MNAT1: variants seen among roughly 807,000 people sequenced by gnomAD.
The protein encoded by MNAT1 is CDK-activating kinase assembly factor MAT1.
In MNAT1, 43 loss-of-function variants were observed where a neutral mutation model predicts 42.0. The ratio of observed to expected loss-of-function variants is 1.02; its 90% CI spans 0.80 to 1.32. MNAT1 has a LOEUF of 1.32. MNAT1 is among the 40% of genes most tolerant of loss of function. MNAT1 has a pLI of 0.00. For missense variants in MNAT1, 306 were observed against 350.4 expected (o/e 0.87, Z 1.01); for synonymous variants, 118 against 120.0 (o/e 0.98, Z 0.11).
At chr14:60,776,193 G>A (rs2031242543) in intron 1 of MNAT1, among the ~76,000 whole-genome samples, 1 of 152,152 alleles carries the variant, frequency 6.6e-6, no homozygotes, top group Admixed American at 6.5e-5. Context: ...ACCTTGAGAG[G>A]GGTGATAAAT....
At chr14:60,778,959 A>G (rs1412280671) in intron 1 of MNAT1, among the ~76,000 whole-genome samples, 1 of 152,202 alleles carries the variant, frequency 6.6e-6, no homozygotes, top group Non-Finnish European at 1.5e-5. Flanking sequence ...CTTTCCATTC[A>G]TATAGCTTTA....
chr14:60,831,648 G>A (rs1402836236), intron 6 of MNAT1, among the ~76,000 whole-genome samples: 1 of 152,124 alleles, frequency 6.6e-6, no homozygotes, highest in Non-Finnish European at 1.5e-5. Flanking sequence ...ATGTGTGCAT[G>A]TGTCTTTATA....
chr14:60,883,935 C>T (rs1294418107), intron 7 of MNAT1, among the ~76,000 whole-genome samples: 1 of 152,032 alleles, frequency 6.6e-6, no homozygotes, highest in Non-Finnish European at 1.5e-5. Flanking sequence ...CAACTTTACT[C>T]AATTTGTTTA....
At chr14:60,808,125 T>C (rs1291962663) in intron 3 of MNAT1, among the ~76,000 whole-genome samples, 200 bp from the exon 4 acceptor site, 3 of 152,126 alleles carry the variant, frequency 2.0e-5, no homozygotes. Context: ...TCAGACAGTC[T>C]GTCCTTGTGT....
intron 7 of MNAT1, among the ~76,000 whole-genome samples, chr14:60,948,797 T>G (rs1458038635): frequency 6.6e-6 from 1 of 152,202 alleles, no homozygotes; most frequent in Admixed American, 6.5e-5. Context: ...AGTTGAATTC[T>G]TTTCAAGAAA....
At chr14:60,939,316 G>A (rs1366105705) in intron 7 of MNAT1, among the ~76,000 whole-genome samples, 1 of 152,088 alleles carries the variant, frequency 6.6e-6, no homozygotes, top group East Asian at 1.9e-4. Flanking sequence ...TCTTTTAATT[G>A]TGATGTTAAG....
At chr14:60,856,747 C>T (rs541360451) in intron 6 of MNAT1, among the ~76,000 whole-genome samples, 13 of 150,052 alleles carry the variant, frequency 8.7e-5, no homozygotes, top group Non-Finnish European at 1.6e-4. Context: ...GTGGCACGAT[C>T]TCAGCTCGTG....
At chr14:60,914,016 G>T (rs982555518) in intron 7 of MNAT1, among the ~76,000 whole-genome samples, 1 of 152,194 alleles carries the variant, frequency 6.6e-6, no homozygotes. Context: ...ACTCAAGCCT[G>T]AGCAATGGCA....
chr14:60,833,941 A>G (rs1199588015), intron 6 of MNAT1, among the ~76,000 whole-genome samples: 1 of 152,102 alleles, frequency 6.6e-6, no homozygotes, highest in Non-Finnish European at 1.5e-5. Context: ...CATTTCTTGT[A>G]GACTTTCTAG....
intron 6 of MNAT1, among the ~76,000 whole-genome samples, chr14:60,861,564 T>A (rs543716326): frequency 9.7e-3 from 150 of 15,542 alleles, no homozygotes; most frequent in Non-Finnish European, 0.034. Flanking sequence ...ATTATTTTTT[T>A]AAAAAAATTT....
At position 60,968,482 on chromosome 14, in the gene MNAT1, G is replaced by A. The variant is rs2036724232; in HGVS notation, c.*133G>A. The A allele has an allele frequency of 6.6e-7, 1 of 1,507,836 alleles. No homozygotes were observed. Among genetic ancestry groups the A allele is most frequent in the Non-Finnish European group, 8.8e-7 (1 of 1,132,120 alleles). 93.4% of individuals were successfully genotyped at this position (1,507,836 alleles called of 1,614,324 possible). A position where few individuals can be genotyped will look rare whatever the true frequency, so the allele number is the denominator to read the frequency against. ...GCAGCTGTGTTAAAGTATTTATAAG[G>A]AGAAAATTTCAGAACTAAGTTGAGT... On this transcript the variant is annotated 3_prime_UTR_variant, in exon 8 of 8. Transcript: ENST00000261245.
At chr14:60,737,879 C>CG (rs1159777815) in intron 1 of MNAT1, among the ~76,000 whole-genome samples, 1 of 148,348 alleles carries the variant, frequency 6.7e-6, no homozygotes, top group Non-Finnish European at 1.5e-5. Context: ...GAAGGAGTCT[C>CG]GCTCTGTCGC....
At chr14:60,770,911 T>C (rs1206922011) in intron 1 of MNAT1, among the ~76,000 whole-genome samples, 1 of 152,214 alleles carries the variant, frequency 6.6e-6, no homozygotes, top group Admixed American at 6.5e-5. Flanking sequence ...ATTGTAGGAC[T>C]GTACTGCATT....
intron 7 of MNAT1, among the ~76,000 whole-genome samples, chr14:60,882,345 T>G (rs900391472): frequency 6.6e-6 from 1 of 152,188 alleles, no homozygotes; most frequent in African/African-American, 2.4e-5. Context: ...TGTCTTTCTG[T>G]GCCTGGCTTA....
At chr14:60,909,276 C>G (rs1183739150) in intron 7 of MNAT1, among the ~76,000 whole-genome samples, 60 of 152,082 alleles carry the variant, frequency 3.9e-4, no homozygotes, top group Non-Finnish European at 2.9e-5. Context: ...TGTAGGTTGC[C>G]TGTTCACTCT....
intron 5 of MNAT1, among the ~76,000 whole-genome samples, chr14:60,818,510 A>G (rs1046061513): frequency 6.6e-6 from 1 of 152,018 alleles, no homozygotes; most frequent in Admixed American, 6.6e-5. Context: ...GATTTTATAA[A>G]AATACTTGTT....
At position 60,962,332 on chromosome 14, in the gene MNAT1, A is replaced by G. The variant is rs919412872; in HGVS notation, c.810-5897A>G. Among the ~76,000 whole-genome samples the G allele has an allele frequency of 7.9e-5, 12 of 152,266 alleles. No homozygotes were observed. The South Asian group carries it at 1.0e-3, about 13-fold the overall frequency. On this transcript the variant is annotated intron_variant, in intron 7 of 7. Transcript: ENST00000261245. ...TTTGGCCTATTAGCTACTGTTTATT[A>G]TCTGTTTTTCATGGCTCTATCTATC...
chr14:60,828,953 G>T (rs2033141261), intron 6 of MNAT1, among the ~76,000 whole-genome samples: 1 of 152,132 alleles, frequency 6.6e-6, no homozygotes. Flanking sequence ...CTCGGGGTGG[G>T]CTACCATCCT....
intron 7 of MNAT1, among the ~76,000 whole-genome samples, chr14:60,956,319 C>T (rs1396189056): frequency 6.6e-6 from 1 of 151,960 alleles, no homozygotes; most frequent in Non-Finnish European, 1.5e-5. Context: ...TCTAGTTTTT[C>T]TTCTGTTACT....
Sources: gnomAD v4.1 joint callset for allele counts (sites outside exome capture counted in the v4.1 genomes callset) on GRCh38, gnomAD v4.1.1 for gene constraint, MANE v1.5 for transcripts, NCBI Gene and HGNC (gene_info 2026-07-23, HGNC 2026-07-21) for gene names.